The following SLC16A2 variants were observed in gnomAD, a reference collection of about 807,000 sequenced individuals.
SLC16A2 encodes solute carrier family 16 member 2.
A neutral mutation model predicts 27.2 loss-of-function variants in SLC16A2; 3 were observed. The observed-to-expected ratio is 0.11, with a 90% CI of 0.05 to 0.28. The LOEUF (loss-of-function observed/expected upper bound fraction) is 0.28, where lower values mean the gene tolerates loss of function less well. SLC16A2 is among the 10% of genes least tolerant of loss of function. SLC16A2 has a pLI of 1.00. For synonymous variants in SLC16A2, 202 were observed against 187.8 expected, an observed-to-expected ratio of 1.08 and a Z score of -0.62; for missense variants, 295 against 458.5, an observed-to-expected ratio of 0.64 and a Z score of 3.26.
chrX:74,525,629 A>G (rs889168907), intron 3 of SLC16A2, 121 bp from the exon 4 acceptor site: 4 of 786,400 alleles, frequency 5.1e-6, no homozygotes, highest in Non-Finnish European at 7.7e-6. Flanking sequence ...GCTACAGGAG[A>G]GGGGGTTTCT....
At chrX:74,437,844 C>A (rs915046831) in intron 1 of SLC16A2, among the ~76,000 whole-genome samples, 1 of 111,381 alleles carries the variant, frequency 9.0e-6, no homozygotes, top group Non-Finnish European at 1.9e-5. Context: ...AATCACAGGA[C>A]CCCCACCCTC....
chrX:74,482,769 C>A, intron 1 of SLC16A2, among the ~76,000 whole-genome samples: 1 of 110,804 alleles, frequency 9.0e-6, no homozygotes, highest in African/African-American at 3.3e-5. Flanking sequence ...ACAGTCTTGG[C>A]TTGCTGCAGC....
At position 74,529,408 on chromosome X, in the gene SLC16A2, G is replaced by T. The variant is rs753333178; in HGVS notation, c.1366G>T (p.Ala456Ser). Residue 456 changes from alanine (A) to serine (S), a missense_variant, in exon 5 of 6, where the codon GCC (alanine) becomes TCC (serine). Around this residue, in one of 3 missense-constraint regions of SLC16A2, gnomAD observed 144 missense variants for 219.8 expected, o/e 0.66. Coordinates refer to ENST00000587091, the MANE Select transcript of SLC16A2 (RefSeq NM_006517.5). ...QAIGYLLGMM[A>S]LPMIAGPPIA... ...CATTGGCTACCTCCTGGGCATGATG[G>T]CCCTGCCAATGATTGCTGGGCCCCC... is the stretch of plus-strand genomic sequence containing the variant. The T allele has an allele frequency of 1.7e-6, 2 of 1,187,959 alleles. No individual in the cohort carries two copies. The highest frequency in any genetic ancestry group is 3.7e-5 in the South Asian group (2 of 54,176).
intron 5 of SLC16A2, among the ~76,000 whole-genome samples, chrX:74,531,092 T>G (rs948289450): frequency 8.9e-6 from 1 of 112,465 alleles, no homozygotes; most frequent in African/African-American, 3.2e-5. Flanking sequence ...GACTAGATCT[T>G]AGATTGATGA....
chrX:74,506,906 A>ATTATTTAT (rs1204825066), intron 1 of SLC16A2, among the ~76,000 whole-genome samples: 10 of 95,000 alleles, frequency 1.1e-4, no homozygotes, highest in African/African-American at 3.1e-4. Context: ...TGTGATATTT[A>ATTATTTAT]TTATTTATTT....
intron 1 of SLC16A2, among the ~76,000 whole-genome samples, chrX:74,431,639 C>CT (rs753467016): frequency 8.9e-6 from 1 of 112,072 alleles, no homozygotes; most frequent in Non-Finnish European, 1.9e-5. Flanking sequence ...GAAAAAGAAA[C>CT]TGTCTCTTCT....
At chrX:74,482,300 T>C (rs778122462) in intron 1 of SLC16A2, among the ~76,000 whole-genome samples, 1 of 112,179 alleles carries the variant, frequency 8.9e-6, no homozygotes, top group South Asian at 3.7e-4. Flanking sequence ...ATCCTATTTG[T>C]TATTTGTAGA....
intron 2 of SLC16A2, among the ~76,000 whole-genome samples, chrX:74,521,896 G>A (rs901548305): frequency 3.6e-5 from 4 of 112,230 alleles, no homozygotes; most frequent in African/African-American, 1.3e-4. Flanking sequence ...GCAGTATCAG[G>A]TGAGAAGCAG....
chrX:74,505,874 G>A (rs1404550925), intron 1 of SLC16A2, among the ~76,000 whole-genome samples: 2 of 111,944 alleles, frequency 1.8e-5, no homozygotes, highest in Admixed American at 9.4e-5. Flanking sequence ...TATAAGCAGG[G>A]CCCTATTCAG....
At chrX:74,475,537 A>G (rs1438631873) in intron 1 of SLC16A2, among the ~76,000 whole-genome samples, 1 of 110,703 alleles carries the variant, frequency 9.0e-6, no homozygotes, top group African/African-American at 3.3e-5. Context: ...TTGGTGTTTT[A>G]GACATGAAGT....
chrX:74,498,442 G>C (rs1394022068), intron 1 of SLC16A2, among the ~76,000 whole-genome samples: 1 of 110,789 alleles, frequency 9.0e-6, no homozygotes, highest in Non-Finnish European at 1.9e-5. Flanking sequence ...CATGACCATA[G>C]TTTTCCACAC....
intron 1 of SLC16A2, among the ~76,000 whole-genome samples, 184 bp from the exon 2 acceptor site, chrX:74,520,805 AG>A (rs1240002066): frequency 2.7e-5 from 3 of 111,797 alleles, no homozygotes; most frequent in Non-Finnish European, 3.8e-5. Flanking sequence ...CCGCAGTGAT[AG>A]AATCCCCTGT....
At chrX:74,516,544 T>C (rs1930320452) in intron 1 of SLC16A2, among the ~76,000 whole-genome samples, 1 of 111,525 alleles carries the variant, frequency 9.0e-6, no homozygotes, top group Admixed American at 9.6e-5. Flanking sequence ...AATGATGTTG[T>C]ATACATATGA....
intron 1 of SLC16A2, among the ~76,000 whole-genome samples, chrX:74,493,382 C>A (rs1399579702): frequency 1.8e-5 from 2 of 112,206 alleles, no homozygotes; most frequent in East Asian, 2.8e-4. Flanking sequence ...AACTGACAGT[C>A]AGGACAGGCT....
rs368030483 is a variant in SLC16A2 at position 74,484,522 on chromosome X, G to A, written c.431-36468G>A. Among the ~76,000 whole-genome samples, 301 of 111,196 alleles carry A rather than the reference G, an allele frequency of 2.7e-3. 2 individuals carry two copies. Among genetic ancestry groups the A allele is most frequent in the African/African-American group, 8.9e-3 (272 of 30,592 alleles). ...AATAGGTTGTAAAATGTTTCTTATC[G>A]GACTTGAAGTCTGTGTTGATGTTAA... On this transcript the variant is annotated intron_variant, in intron 1 of 5. Transcript: ENST00000587091.
At chrX:74,477,047 G>T (rs1342863449) in intron 1 of SLC16A2, 1 of 112,189 alleles carries the variant, frequency 8.9e-6, no homozygotes, top group African/African-American at 3.2e-5. Context: ...AGTTTCAGAA[G>T]GAATGGTACC....
At chrX:74,478,309 C>T (rs189448449) in intron 1 of SLC16A2, among the ~76,000 whole-genome samples, 1,210 of 111,167 alleles carry the variant, frequency 0.011, 7 homozygotes, top group Admixed American at 0.017. Flanking sequence ...AGGATTGCAA[C>T]CCCTGCCTTT....
At chrX:74,455,495 G>C (rs993082951) in intron 1 of SLC16A2, among the ~76,000 whole-genome samples, 1 of 111,277 alleles carries the variant, frequency 9.0e-6, no homozygotes, top group Non-Finnish European at 1.9e-5. Context: ...GGTAGGAAAG[G>C]CTTGCTGATG....
At chrX:74,508,890 C>T (rs1930179816) in intron 1 of SLC16A2, among the ~76,000 whole-genome samples, 1 of 111,896 alleles carries the variant, frequency 8.9e-6, no homozygotes, top group East Asian at 2.8e-4. Flanking sequence ...TGTCTTATTG[C>T]ATTAGCTAGA....
Sources: gnomAD v4.1 joint callset for allele counts (sites outside exome capture counted in the v4.1 genomes callset) on GRCh38, gnomAD v4.1.1 for gene constraint, gnomAD v4.1.1 regional missense constraint, MANE v1.5 for transcripts, NCBI Gene and HGNC (gene_info 2026-07-23, HGNC 2026-07-21) for gene names.